The following TNRC6A variants were observed in gnomAD, a reference collection of about 807,000 sequenced individuals.
The protein encoded by TNRC6A is trinucleotide repeat containing adaptor 6A.
A neutral mutation model predicts 221.2 loss-of-function variants in TNRC6A; 44 were observed. The observed-to-expected ratio is 0.20, with a 90% confidence interval of 0.16 to 0.26. The LOEUF is 0.26. Among genes scored for constraint, TNRC6A ranks in the 10% least tolerant of loss-of-function variants. The probability of loss-of-function intolerance (pLI) is 1.00; values close to 1 mark genes in which losing one functional copy is unlikely to be tolerated. For missense variants in TNRC6A, 2,199 were observed against 2,404.4 expected, an observed-to-expected ratio of 0.91 and a Z score of 1.79; for synonymous variants, 847 against 838.5, an observed-to-expected ratio of 1.01 and a Z score of -0.18.
intron 9 of TNRC6A, among the ~76,000 whole-genome samples, chr16:24,797,258 C>T (rs377469559): frequency 6.6e-6 from 1 of 152,208 alleles, no homozygotes; most frequent in East Asian, 1.9e-4. Context: ...GACTGCTTGC[C>T]TTTAGAGATT....
At chr16:24,768,917 T>C (rs2057532501) in intron 4 of TNRC6A, among the ~76,000 whole-genome samples, 2 of 152,240 alleles carry the variant, frequency 1.3e-5, no homozygotes, top group Admixed American at 1.3e-4. Context: ...GATTGGTAGA[T>C]GATTGTTGGC....
intron 1 of TNRC6A, among the ~76,000 whole-genome samples, chr16:24,636,520 G>A (rs867997972): frequency 9.2e-5 from 14 of 152,168 alleles, no homozygotes; most frequent in Middle Eastern, 3.4e-3. Flanking sequence ...ACAGGCACAT[G>A]CCACTGCGCC....
intron 1 of TNRC6A, among the ~76,000 whole-genome samples, chr16:24,632,341 A>T (rs1014046587): frequency 3.3e-5 from 5 of 152,042 alleles, no homozygotes; most frequent in African/African-American, 1.2e-4. Flanking sequence ...AACCTCCAAT[A>T]TCTTTCCCAA....
chr16:24,804,069 G>A (rs1388835993), intron 11 of TNRC6A, 108 bp from the exon 12 acceptor site: 4 of 1,199,270 alleles, frequency 3.3e-6, no homozygotes, highest in Non-Finnish European at 4.6e-6. Context: ...CCTTGTCTTG[G>A]CTGAAGTCAT....
At chr16:24,702,514 G>A (rs561222730) in intron 2 of TNRC6A, among the ~76,000 whole-genome samples, 8 of 152,176 alleles carry the variant, frequency 5.3e-5, no homozygotes, top group Admixed American at 2.0e-4. Context: ...GTATACCACT[G>A]CTATTTAAGC....
At chr16:24,776,694 G>A (rs2151719448) in intron 4 of TNRC6A, 2 of 985,430 alleles carry the variant, frequency 2.0e-6, no homozygotes, top group Non-Finnish European at 2.4e-6. Flanking sequence ...ATGAGTTGTT[G>A]TCTTGGCCGA....
At chr16:24,715,693 C>T (rs751138352) in intron 2 of TNRC6A, among the ~76,000 whole-genome samples, 4 of 149,328 alleles carry the variant, frequency 2.7e-5, no homozygotes, top group Admixed American at 6.7e-5. Flanking sequence ...TCTTGGCTCA[C>T]TGCAACCTCC....
chr16:24,797,828 TA>T, intron 10 of TNRC6A, 86 bp from the exon 11 acceptor site: 1 of 1,198,688 alleles, frequency 8.3e-7, no homozygotes. Context: ...ATTTCACAGA[TA>T]ATGAAACACA....
chr16:24,784,030 T>C (rs2057911590), intron 5 of TNRC6A, among the ~76,000 whole-genome samples: 1 of 152,144 alleles, frequency 6.6e-6, no homozygotes, highest in African/African-American at 2.4e-5. Flanking sequence ...GGAGTTTCGC[T>C]CTTACATAAT....
At chr16:24,642,164 C>G (rs1433276054) in intron 2 of TNRC6A, among the ~76,000 whole-genome samples, 1 of 152,162 alleles carries the variant, frequency 6.6e-6, no homozygotes, top group Non-Finnish European at 1.5e-5. Context: ...ACAAAAGAGG[C>G]TCCATAGGGA....
intron 21 of TNRC6A, among the ~76,000 whole-genome samples, 197 bp from the exon 22 acceptor site, chr16:24,819,942 G>A (rs1252390343): frequency 6.6e-6 from 1 of 152,160 alleles, no homozygotes; most frequent in East Asian, 1.9e-4. Context: ...ACAGATCAAT[G>A]GCTTGAGTGT....
At chr16:24,808,601 G>A (rs1301815491) in intron 17 of TNRC6A, among the ~76,000 whole-genome samples, 1 of 152,202 alleles carries the variant, frequency 6.6e-6, no homozygotes, top group Non-Finnish European at 1.5e-5. Context: ...ATTGCTCTCT[G>A]CAAAAATACG....
chr16:24,741,703 G>A (rs2056896202), intron 2 of TNRC6A, among the ~76,000 whole-genome samples: 1 of 152,112 alleles, frequency 6.6e-6, no homozygotes, highest in African/African-American at 2.4e-5. Context: ...TTGTTTTTAT[G>A]TATTCAGTTT....
At chr16:24,644,541 G>A (rs558871669) in intron 2 of TNRC6A, among the ~76,000 whole-genome samples, 3 of 152,076 alleles carry the variant, frequency 2.0e-5, no homozygotes, top group Non-Finnish European at 2.9e-5. Context: ...CGATCCTCCC[G>A]CATCAGCCTC....
intron 2 of TNRC6A, among the ~76,000 whole-genome samples, chr16:24,669,968 T>TTTTTTTTTTTTTTTTTTTTTG: frequency 8.6e-6 from 1 of 116,018 alleles, no homozygotes; most frequent in East Asian, 2.8e-4. Flanking sequence ...TTTTTTTTTT[T>TTTTTTTTTTTTTTTTTTTTTG]AGACAGAGTC....
chr16:24,776,698 T>C (rs1451228789), intron 4 of TNRC6A: 1 of 985,336 alleles, frequency 1.0e-6, no homozygotes, highest in African/African-American at 1.7e-5. Context: ...GTTGTTGTCT[T>C]GGCCGAAGGT....
intron 21 of TNRC6A, 91 bp downstream of exon 21, chr16:24,818,791 T>C: frequency 1.0e-6 from 1 of 963,134 alleles, no homozygotes; most frequent in Middle Eastern, 2.1e-4. Context: ...TCCAGTCTTC[T>C]CAGGGAATTA....
intron 5 of TNRC6A, among the ~76,000 whole-genome samples, chr16:24,784,561 A>G (rs773990511): frequency 5.9e-5 from 9 of 152,204 alleles, no homozygotes; most frequent in Non-Finnish European, 8.8e-5. Flanking sequence ...GACCCAACCA[A>G]TATTCCCGCC....
At chr16:24,686,734 G>A (rs1185844491) in intron 2 of TNRC6A, among the ~76,000 whole-genome samples, 1 of 152,072 alleles carries the variant, frequency 6.6e-6, no homozygotes, top group Admixed American at 6.6e-5. Flanking sequence ...CAATAGGATC[G>A]GTGCCGCGAC....
Sources: gnomAD v4.1 joint callset for allele counts (sites outside exome capture counted in the v4.1 genomes callset) on GRCh38, gnomAD v4.1.1 for gene constraint, MANE v1.5 for transcripts, NCBI Gene and HGNC (gene_info 2026-07-23, HGNC 2026-07-21) for gene names.